PTPMT1: variants seen among roughly 807,000 people sequenced by gnomAD.
PTPMT1 encodes phosphatidylglycerophosphatase and protein-tyrosine phosphatase 1.
PTPMT1 carries 12 observed loss-of-function variants against 17.8 expected under a neutral mutation model. The ratio of observed to expected loss-of-function variants is 0.67; its 90% confidence interval spans 0.43 to 1.09. The LOEUF (loss-of-function observed/expected upper bound fraction) is 1.09, where lower values mean the gene tolerates loss of function less well. Ranked by LOEUF, PTPMT1 falls within the 50% of genes least tolerant of loss-of-function variation. PTPMT1 has a pLI of 0.00. For missense variants in PTPMT1, 262 were observed against 266.0 expected, an observed-to-expected ratio of 0.99 and a Z score of 0.10; for synonymous variants, 132 against 116.8, an observed-to-expected ratio of 1.13 and a Z score of -0.84.
rs1325206220 is a variant in PTPMT1 at position 47,565,726 on chromosome 11, G to A, written c.104G>A (p.Arg35Gln). ...FRGKVPGRAHRDWYHRIDPTV... is the reference protein window; with the variant it reads ...FRGKVPGRAHQDWYHRIDPTV... ...GGGAAGGTGCCGGGTCGGGCGCACC[G>A]GGACTGGTACCACCGCATCGACCCC... Residue 35 changes from arginine (R) to glutamine (Q), a missense_variant, in exon 1 of 4, where the codon CGG (arginine) becomes CAG (glutamine). Arg to Gln is a conservative substitution (Grantham distance 43). Transcript: ENST00000326674. 1.3e-6 allele frequency: 2 copies of A among 1,585,968 alleles called. No homozygotes were observed. The highest frequency in any genetic ancestry group is 1.7e-5 in the Admixed American group (1 of 57,490).
chr11:47,566,489 C>CAAAA (rs56146877), intron 2 of PTPMT1, among the ~76,000 whole-genome samples: 1 of 120,544 alleles, frequency 8.3e-6, no homozygotes, highest in Non-Finnish European at 1.7e-5. Flanking sequence ...AACAATGTCT[C>CAAAA]AAAAAAAAAA....
At chr11:47,570,597 T>C (rs1321382718) in intron 3 of PTPMT1, among the ~76,000 whole-genome samples, 5 of 152,232 alleles carry the variant, frequency 3.3e-5, no homozygotes, top group African/African-American at 1.2e-4. Flanking sequence ...CTGATCATTT[T>C]CAGCTTTATA....
rs1316155608 is a variant in PTPMT1, at chr11:47,571,855, G to C, written c.*226G>C. On this transcript the variant is annotated 3_prime_UTR_variant, in exon 4 of 4. Transcript: ENST00000326674. ...GCTTGTATTCATGGGATACAGGACA[G>C]GGATGGGGCTATCATCTTTTCTTGA... is the stretch of plus-strand genomic sequence containing the variant. 6.4e-6 allele frequency: 3 copies of C among 471,982 alleles called. No homozygotes were observed. In the East Asian group the frequency reaches 1.1e-4, roughly 17 times the overall value. The allele number at this position is 471,982 out of a possible 1,614,324, so 29.2% of individuals were successfully genotyped here. A position where few individuals can be genotyped will look rare whatever the true frequency, so the allele number is the denominator to read the frequency against.
In PTPMT1 at chr11:47,569,729, G is replaced by A; in HGVS notation, c.285G>A (p.Leu95=). The A allele has an allele frequency of 1.2e-6, 2 of 1,612,794 alleles. No homozygotes were observed. Among genetic ancestry groups the A allele is most frequent in the Non-Finnish European group, 1.7e-6 (2 of 1,179,398 alleles). Residue 95 remains leucine, a synonymous_variant, in exon 3 of 4, where the codon CTG becomes CTA. Coordinates refer to ENST00000326674, the MANE Select transcript of PTPMT1 (RefSeq NM_175732.3). ...QEWKRLGVEQ[L]RLSTVDMTGI... is the part of the protein sequence containing the mutation. Reference sequence around the variant, plus strand: ...GGAAGAGACTAGGAGTCGAGCAGCTGCGGCTCAGCACAGTAGACATGACTG... The same window carrying A: ...GGAAGAGACTAGGAGTCGAGCAGCTACGGCTCAGCACAGTAGACATGACTG...
rs377532877 is a variant in PTPMT1, at chr11:47,571,589, G to T, written c.566G>T (p.Arg189Leu). 1.3e-5 allele frequency: 21 copies of T among 1,613,952 alleles called. No homozygotes were observed. The highest frequency in any genetic ancestry group is 1.8e-5 in the Non-Finnish European group (21 of 1,180,002). The stretch of plus-strand genomic sequence containing the variant: ...GAGTTCCACAAGCAGATTACTGCAC[G>T]GGCAACAAAGGATGGGACTTTTGTC... ...LKEFHKQITA[R>L]ATKDGTFVIS... The change falls in exon 4 of 4, where the codon CGG becomes CTG. Residue 189 changes from arginine (R) to leucine (L), a missense_variant. Transcript: ENST00000326674.
intron 3 of PTPMT1, 142 bp from the exon 4 acceptor site, chr11:47,571,329 A>T (rs2097249542): frequency 1.5e-6 from 1 of 665,240 alleles, no homozygotes; most frequent in Non-Finnish European, 2.5e-6. Context: ...TTATAATACA[A>T]GCAGCATGAT....
intron 2 of PTPMT1, 89 bp downstream of exon 2, chr11:47,566,075 A>AG: frequency 7.2e-7 from 1 of 1,390,104 alleles, no homozygotes; most frequent in Non-Finnish European, 9.5e-7. Flanking sequence ...AGTGTGGGGG[A>AG]GGTCACCATG....
chr11:47,573,282 C>T lies in PTPMT1; in HGVS notation c.*1653C>T. 3.1e-6 allele frequency: 5 copies of T among 1,614,194 alleles called. No individual in the cohort carries two copies. Among genetic ancestry groups the T allele is most frequent in the Non-Finnish European group, 4.2e-6 (5 of 1,180,034 alleles). The stretch of plus-strand genomic sequence containing the variant: ...GCATTTGTCTGTCTCTGTGTCAAAG[C>T]ACTGGATGAGTCGGGAAGGTTTGGT... On this transcript the variant is annotated 3_prime_UTR_variant, in exon 4 of 4. Transcript: ENST00000326674. This position sits in a 1 kb window ranked among gnomAD's most constrained non-coding sequence, Gnocchi z 4.1.
rs1565928384 is a variant in PTPMT1 at position 47,571,677 on chromosome 11, CAAA to C, written c.*51_*53del. ...CAAGACACTCCTGCTTGATACAGAA[CAAA>C]AAGAGCTTAACAGGACCAACAGGGC... is the stretch of plus-strand genomic sequence containing the variant. On this transcript the variant is annotated 3_prime_UTR_variant, in exon 4 of 4. Coordinates refer to ENST00000326674, the MANE Select transcript of PTPMT1 (RefSeq NM_175732.3). 1 of 1,579,214 alleles carries C rather than the reference CAAA, an allele frequency of 6.3e-7. No homozygotes were observed. Among genetic ancestry groups the C allele is most frequent in the Admixed American group, 1.8e-5 (1 of 56,584 alleles).
chr11:47,570,088 A>C (rs950481774), intron 3 of PTPMT1, among the ~76,000 whole-genome samples, 197 bp downstream of exon 3: 1 of 147,504 alleles, frequency 6.8e-6, no homozygotes, highest in Admixed American at 6.9e-5. Flanking sequence ...GCTACTTGGG[A>C]GGCTGAGATG....
intron 2 of PTPMT1, among the ~76,000 whole-genome samples, chr11:47,567,228 C>A (rs1347705033): frequency 6.6e-6 from 1 of 151,754 alleles, no homozygotes; most frequent in Non-Finnish European, 1.5e-5. Context: ...ATGGTGAAAC[C>A]CCGTCTGTAC....
rs772248466 is a variant in PTPMT1 at position 47,565,897 on chromosome 11, C to T, written c.175-9C>T. 1.2e-5 allele frequency: 19 copies of T among 1,612,522 alleles called. No homozygotes were observed. In the East Asian group the frequency reaches 2.5e-4, roughly 21 times the overall value. ...CCGTCTTTGCTGAGCCACCTCTTTG[C>T]CTCGGCAGCTGGTACAGGACGAGAA... On this transcript the variant is annotated splice_polypyrimidine_tract_variant and intron_variant, in intron 1 of 3. Coordinates refer to ENST00000326674, the MANE Select transcript of PTPMT1 (RefSeq NM_175732.3).
Position 47,569,839 on chromosome 11 carries a change from G to A in PTPMT1, c.395G>A (p.Cys132Tyr). The change falls in exon 3 of 4, where the codon TGT (cysteine) becomes TAT (tyrosine). Residue 132 changes from cysteine to tyrosine, a missense_variant. Transcript: ENST00000326674. Reference sequence around the variant, plus strand: ...CTGGGCCAGTGTGTTTACGTGCATTGTAAGGCTGGGCGCTCCAGGAGTGCC... The same window carrying A: ...CTGGGCCAGTGTGTTTACGTGCATTATAAGGCTGGGCGCTCCAGGAGTGCC... The part of the protein sequence containing the change: ...QSLGQCVYVH[C>Y]KAGRSRSATM... The A allele has an allele frequency of 6.2e-7, 1 of 1,613,914 alleles. No individual in the cohort carries two copies. The highest frequency in any genetic ancestry group is 8.5e-7 in the Non-Finnish European group (1 of 1,180,014).
chr11:47,572,956 TA>T lies in PTPMT1; in HGVS notation c.*1329del. ...TAGGCCAACACAAACTGCAAATTGG[TA>T]AGCAGCACCTTAATACCTCTTGTGA... On this transcript the variant is annotated 3_prime_UTR_variant, in exon 4 of 4. Coordinates refer to ENST00000326674, the MANE Select transcript of PTPMT1 (RefSeq NM_175732.3). 1 of 1,614,086 alleles carries T rather than the reference TA, an allele frequency of 6.2e-7. No homozygotes were observed. Among genetic ancestry groups the T allele is most frequent in the Non-Finnish European group, 8.5e-7 (1 of 1,179,944 alleles).
chr11:47,565,643 G>T lies in PTPMT1; in HGVS notation c.21G>T (p.Leu7=). The change falls in exon 1 of 4, where the codon CTG becomes CTT. Residue 7 remains leucine, a synonymous_variant. Transcript: ENST00000326674. MAATAL[L]EAGLARVLFY... is the part of the protein sequence containing the mutation. ...CCGGGATGGCGGCCACCGCGCTGCTGGAGGCCGGCCTGGCGCGGGTGCTCT... is the reference window on the plus strand; with the variant it reads ...CCGGGATGGCGGCCACCGCGCTGCTTGAGGCCGGCCTGGCGCGGGTGCTCT... The T allele has an allele frequency of 7.4e-7, 1 of 1,349,250 alleles. No homozygotes were observed. Among genetic ancestry groups the T allele is most frequent in the South Asian group, 1.9e-5 (1 of 52,966 alleles). 83.6% of individuals were successfully genotyped at this position (1,349,250 alleles called of 1,614,324 possible). A position where few individuals can be genotyped will look rare whatever the true frequency, so the allele number is the denominator to read the frequency against.
Position 47,572,635 on chromosome 11 carries a change from G to A in PTPMT1, c.*1006G>A, listed in dbSNP as rs1490432722. ...TTTAACATTGATCAGGTAAAGAGGA[G>A]AGGCTGTGCCTAAGGTCTGAGAAAA... On this transcript the variant is annotated 3_prime_UTR_variant, in exon 4 of 4. Transcript: ENST00000326674. 1 of 421,568 alleles carries A rather than the reference G, an allele frequency of 2.4e-6. No individual in the cohort carries two copies. The highest frequency in any genetic ancestry group is 4.3e-6 in the Non-Finnish European group (1 of 234,246). The allele number at this position is 421,568 out of a possible 1,614,324, so 26.1% of individuals were successfully genotyped here.
rs749696524 is a variant in PTPMT1 at position 47,569,740 on chromosome 11, C to T, written c.296C>T (p.Thr99Ile). ...RLGVEQLRLS[T>I]VDMTGIPTLD... ...GGAGTCGAGCAGCTGCGGCTCAGCACAGTAGACATGACTGGGATCCCCACC... is the reference window on the plus strand; with the variant it reads ...GGAGTCGAGCAGCTGCGGCTCAGCATAGTAGACATGACTGGGATCCCCACC... The change falls in exon 3 of 4, where the codon ACA becomes ATA. Residue 99 changes from threonine (T) to isoleucine (I), a missense_variant. Physicochemically the swap from Thr to Ile is moderately conservative, Grantham distance 89 (BLOSUM62 -1). Transcript: ENST00000326674. 13 of 1,613,856 alleles carry T rather than the reference C, an allele frequency of 8.1e-6. No individual in the cohort carries two copies. The African/African-American group carries it at 1.7e-4, about 22-fold the overall frequency.
rs946178223 is a variant in PTPMT1 at position 47,572,616 on chromosome 11, A to G, written c.*987A>G. ...GGGATCAGGGGTGCTTACATTTAAC[A>G]TTGATCAGGTAAAGAGGAGAGGCTG... On this transcript the variant is annotated 3_prime_UTR_variant, in exon 4 of 4. Coordinates refer to ENST00000326674, the MANE Select transcript of PTPMT1 (RefSeq NM_175732.3). The G allele has an allele frequency of 1.5e-5, 5 of 343,410 alleles. No homozygotes were observed. The highest frequency in any genetic ancestry group is 1.0e-4 in the African/African-American group (5 of 48,326). The allele number at this position is 343,410 out of a possible 1,614,324, so 21.3% of individuals were successfully genotyped here.
chr11:47,567,559 C>CTTTTTTTTTTTTT (rs370022255), intron 2 of PTPMT1, among the ~76,000 whole-genome samples: 5 of 116,138 alleles, frequency 4.3e-5, no homozygotes, highest in East Asian at 2.5e-4. Context: ...TATTTCTTTT[C>CTTTTTTTTTTTTT]TTTTTTTTTT....
Sources: gnomAD v4.1 joint callset for allele counts (sites outside exome capture counted in the v4.1 genomes callset) on GRCh38, gnomAD v4.1.1 for gene constraint, Gnocchi (gnomAD v3.1) non-coding constraint, MANE v1.5 for transcripts, NCBI Gene and HGNC (gene_info 2026-07-23, HGNC 2026-07-21) for gene names.